Variants in PDCD6IP observed in about 807,000 individuals in gnomAD.
The protein encoded by PDCD6IP is programmed cell death 6-interacting protein.
In PDCD6IP, 43 loss-of-function variants were observed where a neutral mutation model predicts 103.7. That is an observed-to-expected ratio of 0.41 (90% CI 0.32 to 0.53). PDCD6IP has a LOEUF of 0.53. PDCD6IP is among the 20% of genes least tolerant of loss of function. The probability of loss-of-function intolerance (pLI) is 0.16; values close to 1 mark genes in which losing one functional copy is unlikely to be tolerated. For missense variants in PDCD6IP, 871 were observed against 1,036.7 expected, an observed-to-expected ratio of 0.84 and a Z score of 2.20; for synonymous variants, 354 against 378.7, an observed-to-expected ratio of 0.93 and a Z score of 0.76.
At chr3:33,802,559 G>A (rs932511196) in intron 1 of PDCD6IP, among the ~76,000 whole-genome samples, 44 of 149,676 alleles carry the variant, frequency 2.9e-4, no homozygotes, top group Non-Finnish European at 5.8e-4. Flanking sequence ...GCATGATCTC[G>A]GCTCACCACA....
At chr3:33,844,259 A>C in intron 11 of PDCD6IP, 36 bp downstream of exon 11, 1 of 1,207,602 alleles carries the variant, frequency 8.3e-7, no homozygotes, top group Non-Finnish European at 1.1e-6. Flanking sequence ...ATTTGAATAA[A>C]TTCCCAATTT....
intron 9 of PDCD6IP, among the ~76,000 whole-genome samples, chr3:33,840,368 G>T (rs1697441505): frequency 6.6e-6 from 1 of 152,212 alleles, no homozygotes; most frequent in Non-Finnish European, 1.5e-5. Flanking sequence ...CTGTCTTACA[G>T]GTGGCAGAGG....
rs1698065964 is a variant in PDCD6IP, at chr3:33,866,411, G to A, written c.2493G>A (p.Met831Ile). 1 of 1,611,278 alleles carries A rather than the reference G, an allele frequency of 6.2e-7. No individual in the cohort carries two copies. The highest frequency in any genetic ancestry group is 8.5e-7 in the Non-Finnish European group (1 of 1,178,842). The change falls in exon 18 of 18, where the codon ATG (methionine) becomes ATA (isoleucine). Residue 831 changes from methionine (M) to isoleucine (I), a missense_variant. Transcript: ENST00000307296. ...YNPYAYGQYN[M>I]PYPPVYHQSP... is the part of the protein sequence containing the mutation. ...CTTATGCGTATGGCCAGTATAATAT[G>A]CCATATCCACCAGTGTATCACCAGA...
At chr3:33,857,174 T>G (rs1264172327) in intron 15 of PDCD6IP, among the ~76,000 whole-genome samples, 2 of 149,410 alleles carry the variant, frequency 1.3e-5, no homozygotes, top group African/African-American at 4.9e-5. Context: ...TGGTTCTAAA[T>G]GTTTAAAAAA....
In PDCD6IP at chr3:33,798,898, C is replaced by T. The variant is rs368462021; in HGVS notation, c.170C>T (p.Pro57Leu). Residue 57 changes from proline (P) to leucine (L), a missense_variant, in exon 1 of 18, where the codon CCG becomes CTG. By Grantham distance (98) the Pro-to-Leu change is moderately conservative (BLOSUM62 -3). Transcript: ENST00000307296. ...CTGCGCCGCGCCGCAGTCGGTCGTC[C>T]GCTGGACAAGCACGAGGGCGCGCTC... ...SKLRRAAVGRPLDKHEGALET... is the reference protein window; with the variant it reads ...SKLRRAAVGRLLDKHEGALET... 10 of 1,547,006 alleles carry T rather than the reference C, an allele frequency of 6.5e-6. No homozygotes were observed. Among genetic ancestry groups the T allele is most frequent in the Non-Finnish European group, 7.9e-6 (9 of 1,144,378 alleles).
At chr3:33,859,895 C>T (rs1697914814) in intron 15 of PDCD6IP, among the ~76,000 whole-genome samples, 1 of 152,096 alleles carries the variant, frequency 6.6e-6, no homozygotes, top group Non-Finnish European at 1.5e-5. Context: ...TTCTACATTG[C>T]AAATAGCAGT....
chr3:33,826,187 A>G (rs1449728569), intron 5 of PDCD6IP, among the ~76,000 whole-genome samples: 1 of 152,128 alleles, frequency 6.6e-6, no homozygotes, highest in African/African-American at 2.4e-5. Context: ...TATACAACAT[A>G]AGATTTTTAG....
At chr3:33,844,026 T>TA in intron 10 of PDCD6IP, 86 bp from the exon 11 acceptor site, 1 of 815,466 alleles carries the variant, frequency 1.2e-6, no homozygotes, top group Non-Finnish European at 2.0e-6. Context: ...AATTCTCACT[T>TA]ATATTGTGTA....
chr3:33,799,068 G>GGT (rs1385420753), intron 1 of PDCD6IP, 131 bp downstream of exon 1: 1 of 865,798 alleles, frequency 1.2e-6, no homozygotes, highest in Non-Finnish European at 1.7e-6. Flanking sequence ...CAGGCGCGTA[G>GGT]GTGTGGTCTG....
intron 6 of PDCD6IP, chr3:33,826,788 C>T (rs1240821201): frequency 7.6e-7 from 1 of 1,314,864 alleles, no homozygotes; most frequent in Admixed American, 3.7e-5. Context: ...TTGTCTTTAC[C>T]TTTTACTAAA....
intron 1 of PDCD6IP, chr3:33,811,192 G>GT (rs1278091269): frequency 3.6e-5 from 9 of 250,522 alleles, no homozygotes; most frequent in Admixed American, 3.3e-4. Flanking sequence ...GCCCTTTCAG[G>GT]TATTTGTATC....
In PDCD6IP at chr3:33,842,028, A is replaced by G. The variant is rs1169991727; in HGVS notation, c.1313A>G (p.Lys438Arg). 6.2e-7 allele frequency: 1 copy of G among 1,613,022 alleles called. No homozygotes were observed. Among genetic ancestry groups the G allele is most frequent in the African/African-American group, 1.3e-5 (1 of 74,924 alleles). ...GGIQTVDQLI[K>R]ELPELLQRNR... ...ATCCAGACTGTTGATCAGTTGATTA[A>G]AGAACTGCCTGAATTACTGCAACGA... is the stretch of plus-strand genomic sequence containing the variant. Residue 438 changes from lysine (K) to arginine (R), a missense_variant, in exon 10 of 18, where the codon AAA becomes AGA. By Grantham distance (26) the Lys-to-Arg change is conservative (BLOSUM62 2). Coordinates refer to ENST00000307296, the MANE Select transcript of PDCD6IP (RefSeq NM_013374.6).
Position 33,822,067 on chromosome 3 carries a change from T to A in PDCD6IP, c.447T>A (p.Ala149=). ...ATAATGATGAAGGATTGAAAATCGC[T>A]GCTAAACATTACCAGGTATGCTGAA... The part of the protein sequence containing the change: ...NLDNDEGLKI[A]AKHYQFASGA... The change falls in exon 4 of 18, where the codon GCT becomes GCA. Residue 149 remains alanine (A), a synonymous_variant. Coordinates refer to ENST00000307296, the MANE Select transcript of PDCD6IP (RefSeq NM_013374.6). 6.2e-7 allele frequency: 1 copy of A among 1,614,126 alleles called. No individual in the cohort carries two copies. Among genetic ancestry groups the A allele is most frequent in the Non-Finnish European group, 8.5e-7 (1 of 1,179,992 alleles).
At chr3:33,828,159 CTG>C (rs1355370579) in intron 6 of PDCD6IP, among the ~76,000 whole-genome samples, 1 of 152,034 alleles carries the variant, frequency 6.6e-6, no homozygotes, top group Non-Finnish European at 1.5e-5. Context: ...TTAATTTTGA[CTG>C]GAATTATTTT....
intron 15 of PDCD6IP, among the ~76,000 whole-genome samples, chr3:33,863,596 C>T (rs991689747): frequency 6.6e-6 from 1 of 152,178 alleles, no homozygotes; most frequent in Non-Finnish European, 1.5e-5. Flanking sequence ...GACAGAATTT[C>T]ATTATATTTT....
At chr3:33,861,796 T>C (rs1325923521) in intron 15 of PDCD6IP, among the ~76,000 whole-genome samples, 4 of 152,224 alleles carry the variant, frequency 2.6e-5, no homozygotes, top group African/African-American at 9.6e-5. Flanking sequence ...CCTTTTTATA[T>C]ACTTATTAGC....
intron 4 of PDCD6IP, among the ~76,000 whole-genome samples, chr3:33,824,691 A>G (rs1455366285): frequency 6.6e-6 from 1 of 152,236 alleles, no homozygotes; most frequent in African/African-American, 2.4e-5. Flanking sequence ...ACATTTCACT[A>G]GTGAGCTCTG....
At chr3:33,828,822 A>T (rs1697185186) in intron 6 of PDCD6IP, 31 bp from the exon 7 acceptor site, 1 of 1,607,638 alleles carries the variant, frequency 6.2e-7, no homozygotes, top group Middle Eastern at 1.7e-4. Context: ...GTGTGGTTGG[A>T]CTCTCCCCTG....
chr3:33,825,898 C>G (rs1394288611), intron 5 of PDCD6IP, among the ~76,000 whole-genome samples: 1 of 152,116 alleles, frequency 6.6e-6, no homozygotes, highest in Non-Finnish European at 1.5e-5. Context: ...AGAAGGCTTT[C>G]TTTCAGGAGG....
Sources: allele counts gnomAD v4.1 joint callset (sites outside exome capture counted in the v4.1 genomes callset), GRCh38; gene constraint gnomAD v4.1.1; transcripts MANE v1.5; gene names NCBI Gene and HGNC (gene_info 2026-07-23, HGNC 2026-07-21).